PPP3CA: variants seen among roughly 807,000 people sequenced by gnomAD.
PPP3CA encodes the protein protein phosphatase 3 catalytic subunit alpha.
In PPP3CA, 14 loss-of-function variants were observed where a neutral mutation model predicts 66.5. That is an observed-to-expected ratio of 0.21 (90% CI 0.14 to 0.33). PPP3CA has a LOEUF of 0.33. PPP3CA is among the 10% of genes least tolerant of loss of function. The pLI is 1.00. For missense variants in PPP3CA, 317 were observed against 639.5 expected (o/e 0.50, Z 5.44); for synonymous variants, 232 against 226.2 (o/e 1.03, Z -0.23).
At chr4:101,032,676 T>TTTG (rs756614273) in intron 11 of PPP3CA, among the ~76,000 whole-genome samples, 3 of 152,074 alleles carry the variant, frequency 2.0e-5, no homozygotes, top group East Asian at 3.9e-4. Flanking sequence ...ATACAAAGTG[T>TTTG]TTGTTGTGCA....
chr4:101,180,053 C>A (rs770541494), intron 2 of PPP3CA, among the ~76,000 whole-genome samples: 2 of 152,098 alleles, frequency 1.3e-5, no homozygotes, highest in Non-Finnish European at 2.9e-5. Flanking sequence ...GATTAATGCA[C>A]CCAAAGTTAT....
chr4:101,145,066 T>C (rs1722926591), intron 2 of PPP3CA, among the ~76,000 whole-genome samples: 1 of 152,200 alleles, frequency 6.6e-6, no homozygotes, highest in Admixed American at 6.5e-5. Flanking sequence ...AAATACTAGA[T>C]TGACACAATA....
Position 101,109,299 on chromosome 4 carries a change from C to T in PPP3CA, c.260-221G>A, listed in dbSNP as rs768519274. Among the ~76,000 whole-genome samples the T allele has an allele frequency of 2.2e-3, 167 of 76,142 alleles. 1 individual carries two copies. Among genetic ancestry groups the T allele is most frequent in the Non-Finnish European group, 3.4e-3 (144 of 42,814 alleles). 50.0% of individuals were successfully genotyped at this position (76,142 alleles called of 152,430 possible). A position where few individuals can be genotyped will look rare whatever the true frequency, so the allele number is the denominator to read the frequency against. Reference sequence around the variant, plus strand: ...TCTAATGTCTGAGTCCACTAGTATACAGATTAACTAAAAAAAAAAAAAAAA... The same window carrying T: ...TCTAATGTCTGAGTCCACTAGTATATAGATTAACTAAAAAAAAAAAAAAAA... On this transcript the variant is annotated intron_variant, in intron 2 of 13. Coordinates refer to ENST00000394854, the MANE Select transcript of PPP3CA (RefSeq NM_000944.5).
chr4:101,125,129 T>C (rs572260393), intron 2 of PPP3CA, among the ~76,000 whole-genome samples: 2 of 152,234 alleles, frequency 1.3e-5, no homozygotes, highest in Admixed American at 6.5e-5. Flanking sequence ...TAAGATACTA[T>C]AGAAACTTAA....
At chr4:101,084,695 A>G (rs1179288915) in intron 6 of PPP3CA, among the ~76,000 whole-genome samples, 4 of 152,184 alleles carry the variant, frequency 2.6e-5, no homozygotes, top group African/African-American at 9.6e-5. Flanking sequence ...TGACTATAAA[A>G]AAGATTCAGT....
chr4:101,246,673 CAT>C (rs1560678577), intron 1 of PPP3CA, among the ~76,000 whole-genome samples: 1 of 152,074 alleles, frequency 6.6e-6, no homozygotes, highest in African/African-American at 2.4e-5. Flanking sequence ...TCAGTATAGA[CAT>C]AGTTTTACAC....
intron 1 of PPP3CA, among the ~76,000 whole-genome samples, chr4:101,235,435 A>ACACACG (rs1231954771): frequency 6.6e-6 from 1 of 151,346 alleles, no homozygotes; most frequent in Non-Finnish European, 1.5e-5. Flanking sequence ...ATACACTCAC[A>ACACACG]CACACACACA....
intron 1 of PPP3CA, among the ~76,000 whole-genome samples, chr4:101,219,164 T>C (rs952558096): frequency 6.6e-6 from 1 of 152,032 alleles, no homozygotes; most frequent in Non-Finnish European, 1.5e-5. Flanking sequence ...GCTACAATTT[T>C]ATGGTCTTGT....
At chr4:101,311,992 T>C (rs1177455631) in intron 1 of PPP3CA, among the ~76,000 whole-genome samples, 2 of 152,224 alleles carry the variant, frequency 1.3e-5, no homozygotes, top group African/African-American at 4.8e-5. Context: ...TATCACTATG[T>C]ATCATTTAAA....
At chr4:101,208,623 T>C (rs1457614621) in intron 1 of PPP3CA, among the ~76,000 whole-genome samples, 2 of 152,236 alleles carry the variant, frequency 1.3e-5, no homozygotes, top group African/African-American at 2.4e-5. Context: ...CAATACTCTC[T>C]GTTACAAAGA....
intron 3 of PPP3CA, among the ~76,000 whole-genome samples, chr4:101,106,458 A>AGAAAGAAGGAAAGAAAGAAG (rs1560605216): frequency 3.1e-5 from 1 of 32,676 alleles, no homozygotes; most frequent in African/African-American, 1.8e-4. Flanking sequence ...AGAAAGAGAA[A>AGAAAGAAGGAAAGAAAGAAG]AGAAAAGAAA....
chr4:101,164,883 C>G (rs1723641519), intron 2 of PPP3CA, among the ~76,000 whole-genome samples: 1 of 152,000 alleles, frequency 6.6e-6, no homozygotes, highest in African/African-American at 2.4e-5. Flanking sequence ...AAAAATGGTT[C>G]TACCAGAGAT....
chr4:101,069,161 A>G (rs62305886), intron 8 of PPP3CA, among the ~76,000 whole-genome samples: 28,418 of 152,052 alleles, frequency 0.19, 2,859 homozygotes, highest in Middle Eastern at 0.31. Flanking sequence ...TAGCCTCCCA[A>G]GTAGCTGGGA....
At chr4:101,122,882 T>A (rs1722074550) in intron 2 of PPP3CA, among the ~76,000 whole-genome samples, 1 of 152,194 alleles carries the variant, frequency 6.6e-6, no homozygotes, top group South Asian at 2.1e-4. Context: ...AAGTTGCTTT[T>A]AATTTGAGGT....
chr4:101,282,567 T>C (rs764035423), intron 1 of PPP3CA, among the ~76,000 whole-genome samples: 9 of 152,332 alleles, frequency 5.9e-5, no homozygotes, highest in Non-Finnish European at 7.4e-5. Flanking sequence ...CTCACACTCA[T>C]TCTGGGTTCT....
intron 1 of PPP3CA, among the ~76,000 whole-genome samples, chr4:101,209,396 C>T (rs1470916133): frequency 1.3e-5 from 2 of 152,078 alleles, no homozygotes; most frequent in Non-Finnish European, 2.9e-5. Flanking sequence ...ATTACTGTCA[C>T]ACCAAATGAT....
chr4:101,228,116 A>C (rs1237626540), intron 1 of PPP3CA, among the ~76,000 whole-genome samples: 2 of 151,730 alleles, frequency 1.3e-5, no homozygotes, highest in African/African-American at 2.4e-5. Flanking sequence ...TAATTTAAAT[A>C]AATGCAAAAT....
chr4:101,214,339 TTAATAA>T (rs148221856), intron 1 of PPP3CA, among the ~76,000 whole-genome samples: 3 of 151,694 alleles, frequency 2.0e-5, no homozygotes, highest in Admixed American at 1.3e-4. Context: ...GTTGTGAGGA[TTAATAA>T]TAATAATAAT....
chr4:101,282,661 T>G lies in PPP3CA; in HGVS notation c.58+64078A>C, dbSNP rs1578626687. On this transcript the variant is annotated intron_variant, in intron 1 of 13. Coordinates refer to ENST00000394854, the MANE Select transcript of PPP3CA (RefSeq NM_000944.5). The stretch of plus-strand genomic sequence containing the variant: ...GTCAATAGATGTCCAAAGACTGGGG[T>G]AGAATTAATTTAACATAATGCATGT... Among the ~76,000 whole-genome samples the G allele has an allele frequency of 2.0e-5, 3 of 152,000 alleles. No homozygotes were observed. The South Asian group carries it at 6.2e-4, about 31-fold the overall frequency.
Sources: gnomAD v4.1 joint callset for allele counts (sites outside exome capture counted in the v4.1 genomes callset) on GRCh38, gnomAD v4.1.1 for gene constraint, MANE v1.5 for transcripts, NCBI Gene and HGNC (gene_info 2026-07-23, HGNC 2026-07-21) for gene names.